SLC25A48: variants seen among roughly 807,000 people sequenced by gnomAD.
SLC25A48 encodes the protein solute carrier family 25 member 48.
Under a neutral mutation model 32.2 loss-of-function variants are expected in SLC25A48, and 29 were observed. That is an observed-to-expected ratio of 0.90 (90% confidence interval 0.67 to 1.23). The LOEUF (loss-of-function observed/expected upper bound fraction) is 1.23, where lower values mean the gene tolerates loss of function less well. Among genes scored for constraint, SLC25A48 ranks in the 50% most tolerant of loss-of-function variants. The probability of loss-of-function intolerance (pLI) is 0.00; values close to 1 mark genes in which losing one functional copy is unlikely to be tolerated. For synonymous variants in SLC25A48, 164 were observed against 172.3 expected (o/e 0.95, Z 0.38); for missense variants, 399 against 422.7 (o/e 0.94, Z 0.49).
At chr5:135,588,415 A>G (rs1182732788) in intron 1 of SLC25A48, among the ~76,000 whole-genome samples, 1 of 152,204 alleles carries the variant, frequency 6.6e-6, no homozygotes, top group Non-Finnish European at 1.5e-5. Flanking sequence ...TCCTCTATAA[A>G]CACCAAGTTG....
chr5:135,714,696 G>A (rs1313792861), intron 3 of SLC25A48: 1 of 152,240 alleles, frequency 6.6e-6, no homozygotes, highest in East Asian at 1.9e-4. Flanking sequence ...TCTTCTAAAT[G>A]CTTTACAGGC....
At chr5:135,828,167 T>G (rs1172751742) in intron 4 of SLC25A48, among the ~76,000 whole-genome samples, 1 of 152,214 alleles carries the variant, frequency 6.6e-6, no homozygotes, top group East Asian at 1.9e-4. Flanking sequence ...AGGAAAGATT[T>G]GGTGCAAAAG....
intron 5 of SLC25A48, among the ~76,000 whole-genome samples, chr5:135,873,004 C>A (rs557826487): frequency 6.6e-6 from 1 of 152,328 alleles, no homozygotes; most frequent in East Asian, 1.9e-4. Flanking sequence ...TTGCAGAGAG[C>A]AGGTGTGAAT....
chr5:135,628,773 C>T (rs1752495283), intron 1 of SLC25A48, among the ~76,000 whole-genome samples: 1 of 152,166 alleles, frequency 6.6e-6, no homozygotes, highest in African/African-American at 2.4e-5. Flanking sequence ...CTCTCTCCCT[C>T]TTTCATTCCC....
At chr5:135,762,769 A>G (rs956323635) in intron 3 of SLC25A48, among the ~76,000 whole-genome samples, 3 of 152,078 alleles carry the variant, frequency 2.0e-5, no homozygotes, top group Admixed American at 6.6e-5. Context: ...GCATGTGTGT[A>G]GGTTAGAGGA....
At chr5:135,805,145 C>T (rs10077151) in intron 3 of SLC25A48, among the ~76,000 whole-genome samples, 97,894 of 150,574 alleles carry the variant, frequency 0.65, 34,011 homozygotes, top group Non-Finnish European at 0.78. Context: ...ACAGTGGGTG[C>T]ACACCTGTGT....
At chr5:135,873,279 C>T (rs1185983940) in intron 5 of SLC25A48, among the ~76,000 whole-genome samples, 6 of 152,168 alleles carry the variant, frequency 3.9e-5, no homozygotes, top group Non-Finnish European at 8.8e-5. Flanking sequence ...TGGACTTTAA[C>T]ATCAATTTGT....
intron 1 of SLC25A48, among the ~76,000 whole-genome samples, chr5:135,620,209 G>A (rs1461311149): frequency 6.6e-6 from 1 of 152,234 alleles, no homozygotes; most frequent in Non-Finnish European, 1.5e-5. Context: ...GTTGGTGGCA[G>A]TAGGTTGATT....
chr5:135,832,347 G>A (rs1758236110), upstream of SLC25A48, among the ~76,000 whole-genome samples: 1 of 152,188 alleles, frequency 6.6e-6, no homozygotes, highest in South Asian at 2.1e-4. Context: ...GCAGGAATCT[G>A]GAAGCAGAGG....
chr5:135,645,515 G>A (rs567032201), intron 3 of SLC25A48, among the ~76,000 whole-genome samples: 1 of 152,304 alleles, frequency 6.6e-6, no homozygotes, highest in South Asian at 2.1e-4. Flanking sequence ...CATGTGTTGA[G>A]TTCGAATTCA....
chr5:135,651,410 G>A (rs1423529797), intron 3 of SLC25A48, among the ~76,000 whole-genome samples: 3 of 152,154 alleles, frequency 2.0e-5, no homozygotes, highest in African/African-American at 7.2e-5. Flanking sequence ...TCCTAGGCAT[G>A]GCATGTGTGG....
At chr5:135,675,168 CT>C (rs750386346) in intron 3 of SLC25A48, among the ~76,000 whole-genome samples, 1 of 152,018 alleles carries the variant, frequency 6.6e-6, no homozygotes, top group Non-Finnish European at 1.5e-5. Flanking sequence ...TGAGAAATAT[CT>C]ATTCATGTCC....
At chr5:135,837,988 C>T (rs1580951589) in intron 1 of SLC25A48, among the ~76,000 whole-genome samples, 1 of 152,162 alleles carries the variant, frequency 6.6e-6, no homozygotes, top group East Asian at 1.9e-4. Context: ...CAGAAGAAGA[C>T]AGAAAAATGT....
In SLC25A48 at chr5:135,641,469, A is replaced by G. The variant is rs76057974; in HGVS notation, c.-521+6513A>G. 1.4e-4 allele frequency among the ~76,000 whole-genome samples: 21 copies of G among 149,910 alleles called. No homozygotes were observed. In the East Asian group the frequency reaches 4.0e-3, roughly 29 times the overall value. On this transcript the variant is annotated intron_variant, in intron 3 of 10. Coordinates refer to the SLC25A48 transcript ENST00000646290. ...GCTTGTGCTGTAGTGTAGACTCAGTATAAATCAATATTTGCTCCAAGGGAC... is the reference window on the plus strand; with the variant it reads ...GCTTGTGCTGTAGTGTAGACTCAGTGTAAATCAATATTTGCTCCAAGGGAC...
At chr5:135,602,860 T>C (rs1044754562) in intron 1 of SLC25A48, among the ~76,000 whole-genome samples, 1 of 152,158 alleles carries the variant, frequency 6.6e-6, no homozygotes. Context: ...GAGAACACCT[T>C]GCATGTAGTT....
At chr5:135,589,235 C>T (rs1314851892) in intron 1 of SLC25A48, among the ~76,000 whole-genome samples, 1 of 152,154 alleles carries the variant, frequency 6.6e-6, no homozygotes, top group Non-Finnish European at 1.5e-5. Flanking sequence ...GAACAACTTC[C>T]AGCTAAATGA....
At chr5:135,594,813 G>A (rs1179335528) in intron 1 of SLC25A48, among the ~76,000 whole-genome samples, 1 of 152,170 alleles carries the variant, frequency 6.6e-6, no homozygotes, top group Non-Finnish European at 1.5e-5. Context: ...CCTATGCATA[G>A]CATTTGACAG....
intron 4 of SLC25A48, among the ~76,000 whole-genome samples, chr5:135,853,181 G>A (rs907109500): frequency 2.0e-5 from 3 of 152,180 alleles, no homozygotes; most frequent in Admixed American, 1.3e-4. Flanking sequence ...AGTATTCAGC[G>A]AGTCGTAATC....
At chr5:135,789,123 C>T (rs1300369516) in intron 3 of SLC25A48, among the ~76,000 whole-genome samples, 1 of 48,478 alleles carries the variant, frequency 2.1e-5, no homozygotes, top group Non-Finnish European at 6.7e-5. Flanking sequence ...GGGGTGTACA[C>T]ATCCCTGTGA....
Sources: allele counts gnomAD v4.1 joint callset (sites outside exome capture counted in the v4.1 genomes callset), GRCh38; gene constraint gnomAD v4.1.1; transcripts MANE v1.5; gene names NCBI Gene and HGNC (gene_info 2026-07-23, HGNC 2026-07-21).